Variants in LUZP2 observed in about 807,000 individuals in gnomAD.
LUZP2 encodes the protein leucine zipper protein 2.
Under a neutral mutation model 51.6 loss-of-function variants are expected in LUZP2, and 52 were observed. That is an observed-to-expected ratio of 1.01 (90% CI 0.81 to 1.27). The LOEUF (loss-of-function observed/expected upper bound fraction) is 1.27. Ranked by LOEUF, LUZP2 falls within the 50% of genes most tolerant of loss-of-function variation. The probability of loss-of-function intolerance (pLI) is 0.00; values close to 1 mark genes in which losing one functional copy is unlikely to be tolerated. For missense variants in LUZP2, 436 were observed against 395.4 expected (o/e 1.10, Z -0.87); for synonymous variants, 154 against 137.3 (o/e 1.12, Z -0.85).
intron 9 of LUZP2, among the ~76,000 whole-genome samples, chr11:25,010,968 G>A (rs186141062): frequency 6.6e-6 from 1 of 152,144 alleles, no homozygotes; most frequent in Non-Finnish European, 1.5e-5. Context: ...CTTATAAGTA[G>A]ATAGATAAGT....
intron 10 of LUZP2, among the ~76,000 whole-genome samples, chr11:25,055,398 G>A (rs900784860): frequency 6.6e-6 from 1 of 151,996 alleles, no homozygotes; most frequent in Non-Finnish European, 1.5e-5. Context: ...TTTTTCTTAA[G>A]TACTTTTCTC....
At chr11:24,618,590 T>G (rs988075009) in intron 1 of LUZP2, among the ~76,000 whole-genome samples, 3 of 152,222 alleles carry the variant, frequency 2.0e-5, no homozygotes, top group African/African-American at 7.2e-5. Context: ...TGTCTATATA[T>G]TACAAGTTTC....
At chr11:24,642,252 C>A (rs1268323232) in intron 1 of LUZP2, among the ~76,000 whole-genome samples, 1 of 151,806 alleles carries the variant, frequency 6.6e-6, no homozygotes, top group Non-Finnish European at 1.5e-5. Flanking sequence ...CAGAGTTACA[C>A]AACAATTAGA....
intron 5 of LUZP2, among the ~76,000 whole-genome samples, chr11:24,876,201 G>C (rs1001251308): frequency 3.4e-5 from 5 of 148,100 alleles, no homozygotes; most frequent in African/African-American, 1.3e-4. Context: ...GTAATGCCTA[G>C]GTTTTCTTCT....
chr11:24,868,847 C>T (rs1851971012), intron 5 of LUZP2, among the ~76,000 whole-genome samples: 1 of 152,102 alleles, frequency 6.6e-6, no homozygotes, highest in Admixed American at 6.6e-5. Flanking sequence ...TAATCCATAT[C>T]AAAGACAATC....
At chr11:24,929,977 G>A (rs1052513188) in intron 7 of LUZP2, among the ~76,000 whole-genome samples, 1 of 152,136 alleles carries the variant, frequency 6.6e-6, no homozygotes. Flanking sequence ...GTTATCATGA[G>A]ATAATGTCTG....
intron 1 of LUZP2, among the ~76,000 whole-genome samples, chr11:24,684,227 G>A (rs1395331475): frequency 2.0e-5 from 3 of 151,792 alleles, no homozygotes; most frequent in African/African-American, 7.3e-5. Context: ...TAATTTGTTT[G>A]CATCACTCTA....
intron 5 of LUZP2, among the ~76,000 whole-genome samples, chr11:24,766,059 CCAAT>C (rs2134039931): frequency 6.6e-6 from 1 of 152,078 alleles, no homozygotes; most frequent in East Asian, 1.9e-4. Context: ...CCATGCCCTG[CCAAT>C]CAGAGTATTT....
At chr11:25,048,073 T>TG (rs1195396655) in intron 9 of LUZP2, among the ~76,000 whole-genome samples, 3 of 152,164 alleles carry the variant, frequency 2.0e-5, no homozygotes, top group African/African-American at 7.2e-5. Context: ...TGTCTCCCAA[T>TG]GTGCTGGAAA....
intron 1 of LUZP2, among the ~76,000 whole-genome samples, chr11:24,506,013 G>A (rs1159574204): frequency 6.6e-6 from 1 of 152,102 alleles, no homozygotes; most frequent in Non-Finnish European, 1.5e-5. Flanking sequence ...AGGACTAAAT[G>A]TGTAAATCAT....
chr11:24,785,202 A>G (rs186257368), intron 5 of LUZP2, among the ~76,000 whole-genome samples: 264 of 152,160 alleles, frequency 1.7e-3, no homozygotes, highest in Middle Eastern at 3.4e-3. Flanking sequence ...ACACATATCT[A>G]TATTGTGGCT....
chr11:24,809,427 A>T (rs1849953280), intron 5 of LUZP2, among the ~76,000 whole-genome samples: 1 of 152,174 alleles, frequency 6.6e-6, no homozygotes, highest in African/African-American at 2.4e-5. Flanking sequence ...TTCCCATTTC[A>T]GCATCTCACC....
chr11:24,764,787 C>T (rs1024056737), intron 5 of LUZP2, among the ~76,000 whole-genome samples: 10 of 152,096 alleles, frequency 6.6e-5, no homozygotes, highest in Non-Finnish European at 1.2e-4. Context: ...GCCAAGAGTT[C>T]CAAGTCAGCC....
chr11:25,059,316 C>G (rs1434232896), intron 10 of LUZP2, among the ~76,000 whole-genome samples: 1 of 152,084 alleles, frequency 6.6e-6, no homozygotes, highest in Non-Finnish European at 1.5e-5. Context: ...AAAAGTTATT[C>G]CATCTGCTTT....
intron 5 of LUZP2, among the ~76,000 whole-genome samples, chr11:24,873,928 T>C (rs1189203570): frequency 6.6e-6 from 1 of 152,178 alleles, no homozygotes; most frequent in Non-Finnish European, 1.5e-5. Flanking sequence ...TTTTAATGAT[T>C]CTGTAGATCT....
intron 5 of LUZP2, among the ~76,000 whole-genome samples, chr11:24,854,166 C>A (rs941945358): frequency 5.3e-5 from 8 of 152,342 alleles, no homozygotes; most frequent in Admixed American, 5.2e-4. Context: ...AGATCTGCTG[C>A]TCTCTTCAGA....
intron 1 of LUZP2, among the ~76,000 whole-genome samples, chr11:24,508,510 T>C (rs1035724181): frequency 6.6e-6 from 1 of 152,100 alleles, no homozygotes; most frequent in African/African-American, 2.4e-5. Flanking sequence ...GAGGCTGTTT[T>C]TTAAAAAATA....
In LUZP2 at chr11:24,978,063, T is replaced by A. The variant is rs193168429; in HGVS notation, c.597+1398T>A. 3.3e-5 allele frequency among the ~76,000 whole-genome samples: 5 copies of A among 151,746 alleles called. No individual in the cohort carries two copies. The East Asian group carries it at 9.7e-4, about 30-fold the overall frequency. ...TAGTACACTGTATACATTTAGCAAT[T>A]TTGTAAGGAAAGGAGCTTACCTTCT... is the stretch of plus-strand genomic sequence containing the variant. On this transcript the variant is annotated intron_variant, in intron 8 of 11. Transcript: ENST00000336930.
intron 4 of LUZP2, among the ~76,000 whole-genome samples, chr11:24,751,727 C>T (rs933768711): frequency 2.0e-5 from 3 of 146,784 alleles, no homozygotes; most frequent in African/African-American, 7.5e-5. Flanking sequence ...AAAAAAAAAT[C>T]AGATAAGGGC....
Sources: gnomAD v4.1 joint callset for allele counts (sites outside exome capture counted in the v4.1 genomes callset) on GRCh38, gnomAD v4.1.1 for gene constraint, MANE v1.5 for transcripts, NCBI Gene and HGNC (gene_info 2026-07-23, HGNC 2026-07-21) for gene names.